The following ELAPOR2 variants were observed in gnomAD, a reference collection of about 807,000 sequenced individuals.
The protein encoded by ELAPOR2 is endosome/lysosome-associated apoptosis and autophagy regulator family member 2.
A neutral mutation model predicts 120.7 loss-of-function variants in ELAPOR2; 89 were observed. The ratio of observed to expected loss-of-function variants is 0.74; its 90% CI spans 0.62 to 0.88. ELAPOR2 has a LOEUF of 0.88. Among genes scored for constraint, ELAPOR2 ranks in the 40% least tolerant of loss-of-function variants. The pLI is 0.00. For synonymous variants in ELAPOR2, 444 were observed against 444.9 expected (o/e 1.00, Z 0.03); for missense variants, 1,134 against 1,251.6 (o/e 0.91, Z 1.42).
chr7:87,026,432 A>G (rs550114214), intron 1 of ELAPOR2, among the ~76,000 whole-genome samples: 18 of 151,912 alleles, frequency 1.2e-4, no homozygotes, highest in African/African-American at 4.3e-4. Context: ...AAATTATTTA[A>G]AGTATACAAA....
At chr7:86,887,076 T>C (rs1170332383) in intron 21 of ELAPOR2, among the ~76,000 whole-genome samples, 1 of 152,188 alleles carries the variant, frequency 6.6e-6, no homozygotes, top group Non-Finnish European at 1.5e-5. Context: ...GGCTGTTTTG[T>C]CTGCCACTTG....
intron 1 of ELAPOR2, among the ~76,000 whole-genome samples, chr7:86,982,991 A>G (rs1792563984): frequency 6.6e-6 from 1 of 152,228 alleles, no homozygotes. Context: ...GAAGACCTTA[A>G]ATGGCCTGAC....
At chr7:86,890,734 T>C (rs1038601827) in intron 21 of ELAPOR2, among the ~76,000 whole-genome samples, 3 of 152,070 alleles carry the variant, frequency 2.0e-5, no homozygotes, top group Admixed American at 6.6e-5. Context: ...TGTTATTTTA[T>C]GGCAATAGTA....
At chr7:86,910,296 G>T (rs1038383402) in intron 15 of ELAPOR2, among the ~76,000 whole-genome samples, 1 of 152,086 alleles carries the variant, frequency 6.6e-6, no homozygotes, top group African/African-American at 2.4e-5. Flanking sequence ...CATCAAACTT[G>T]AGAAAATAAA....
chr7:87,017,362 T>G (rs1441125328), intron 1 of ELAPOR2, among the ~76,000 whole-genome samples: 3 of 152,190 alleles, frequency 2.0e-5, no homozygotes, highest in Non-Finnish European at 4.4e-5. Flanking sequence ...CTGAAATATA[T>G]TTTGATATAT....
chr7:86,955,563 G>A (rs775257793), intron 2 of ELAPOR2, among the ~76,000 whole-genome samples: 3 of 152,096 alleles, frequency 2.0e-5, no homozygotes, highest in Non-Finnish European at 2.9e-5. Context: ...CCTATCAGAA[G>A]AGAATATTCA....
At chr7:86,984,319 C>T (rs1471233806) in intron 1 of ELAPOR2, among the ~76,000 whole-genome samples, 1 of 152,210 alleles carries the variant, frequency 6.6e-6, no homozygotes, top group Non-Finnish European at 1.5e-5. Context: ...TTCAACTCAG[C>T]TCTGCACCAA....
intron 12 of ELAPOR2, among the ~76,000 whole-genome samples, chr7:86,915,306 T>C (rs978951661): frequency 1.3e-5 from 2 of 152,076 alleles, no homozygotes; most frequent in African/African-American, 4.8e-5. Flanking sequence ...AGCTCTTACA[T>C]AGGAATTCCA....
intron 10 of ELAPOR2, among the ~76,000 whole-genome samples, chr7:86,922,160 T>A (rs1789862302): frequency 6.6e-6 from 1 of 152,052 alleles, no homozygotes; most frequent in Admixed American, 6.6e-5. Context: ...AAAAACTATA[T>A]GGAACAGTGT....
intron 4 of ELAPOR2, among the ~76,000 whole-genome samples, chr7:86,943,096 A>T (rs1790868504): frequency 1.3e-5 from 2 of 152,066 alleles, no homozygotes; most frequent in Admixed American, 6.6e-5. Context: ...CATAAGGACC[A>T]TTTTAATGCA....
chr7:87,026,317 T>C (rs751556527), intron 1 of ELAPOR2, among the ~76,000 whole-genome samples: 9 of 152,106 alleles, frequency 5.9e-5, no homozygotes, highest in Non-Finnish European at 1.3e-4. Flanking sequence ...AGGTTTTATC[T>C]GTGAAGAAGC....
intron 1 of ELAPOR2, among the ~76,000 whole-genome samples, chr7:87,035,402 G>A (rs771259601): frequency 2.0e-5 from 3 of 152,050 alleles, no homozygotes; most frequent in African/African-American, 4.8e-5. Context: ...TCTACTACCC[G>A]CTAATCCAAA....
intron 1 of ELAPOR2, among the ~76,000 whole-genome samples, chr7:86,976,386 T>C (rs1396789972): frequency 6.6e-6 from 1 of 152,170 alleles, no homozygotes; most frequent in Non-Finnish European, 1.5e-5. Context: ...AAGATAATCC[T>C]CTGGTTCAGT....
intron 2 of ELAPOR2, among the ~76,000 whole-genome samples, chr7:86,949,896 G>A (rs1458616889): frequency 1.3e-5 from 2 of 152,216 alleles, no homozygotes; most frequent in African/African-American, 4.8e-5. Flanking sequence ...AGAGTCTCCT[G>A]GATGGAAGGG....
At chr7:86,895,872 T>A (rs1025776433) in intron 19 of ELAPOR2, among the ~76,000 whole-genome samples, 1 of 152,104 alleles carries the variant, frequency 6.6e-6, no homozygotes, top group Non-Finnish European at 1.5e-5. Context: ...AAGCAGTTTA[T>A]CAAAATTGTA....
chr7:86,900,302 T>C (rs911810133), intron 18 of ELAPOR2, among the ~76,000 whole-genome samples: 3 of 152,202 alleles, frequency 2.0e-5, no homozygotes, highest in African/African-American at 7.2e-5. Context: ...CAATTCTAAC[T>C]GGACACTCGA....
At chr7:87,011,990 C>G (rs940625392) in intron 1 of ELAPOR2, among the ~76,000 whole-genome samples, 1 of 151,958 alleles carries the variant, frequency 6.6e-6, no homozygotes, top group Non-Finnish European at 1.5e-5. Flanking sequence ...TAACTTGATA[C>G]CATTTGAACA....
chr7:86,949,203 C>T (rs1791130346), intron 2 of ELAPOR2, among the ~76,000 whole-genome samples: 1 of 152,172 alleles, frequency 6.6e-6, no homozygotes, highest in Non-Finnish European at 1.5e-5. Flanking sequence ...AAGAATGTGG[C>T]ATGCTGGCTA....
chr7:87,057,427 T>G (rs913579421), intron 1 of ELAPOR2, among the ~76,000 whole-genome samples: 8 of 152,244 alleles, frequency 5.3e-5, no homozygotes, highest in Admixed American at 5.2e-4. Context: ...CTCTTACTTG[T>G]CAGTCATCAG....
Sources: allele counts gnomAD v4.1 joint callset (sites outside exome capture counted in the v4.1 genomes callset), GRCh38; gene constraint gnomAD v4.1.1; transcripts MANE v1.5; gene names NCBI Gene and HGNC (gene_info 2026-07-23, HGNC 2026-07-21).